The following CRYBA1 variants were observed in gnomAD, a reference collection of about 807,000 sequenced individuals.
CRYBA1 encodes beta-crystallin A3.
Under a neutral mutation model 36.2 loss-of-function variants are expected in CRYBA1, and 25 were observed. The ratio of observed to expected loss-of-function variants is 0.69; its 90% CI spans 0.50 to 0.97. CRYBA1 has a LOEUF of 0.97. Ranked by LOEUF, CRYBA1 falls within the 50% of genes least tolerant of loss-of-function variation. CRYBA1 has a pLI of 0.00. For missense variants in CRYBA1, 224 were observed against 276.3 expected (o/e 0.81, Z 1.34); for synonymous variants, 111 against 90.0 (o/e 1.23, Z -1.32).
intron 3 of CRYBA1, among the ~76,000 whole-genome samples, chr17:29,251,719 T>C (rs1477604731): frequency 6.6e-6 from 1 of 152,134 alleles, no homozygotes; most frequent in African/African-American, 2.4e-5. Flanking sequence ...GCTCAAGCGA[T>C]CTGCTTGCCT....
In CRYBA1 at chr17:29,254,311, A is replaced by C. The variant is rs1212827640; in HGVS notation, c.610A>C (p.Thr204Pro). 6.2e-7 allele frequency: 1 copy of C among 1,614,184 alleles called. No individual in the cohort carries two copies. Among genetic ancestry groups the C allele is most frequent in the East Asian group, 2.2e-5 (1 of 44,888 alleles). Residue 204 changes from threonine (T) to proline (P), a missense_variant, in exon 6 of 6, where the codon ACT (threonine) becomes CCT (proline). Physicochemically the swap from Thr to Pro is conservative, Grantham distance 38 (BLOSUM62 -1). Transcript: ENST00000225387. The stretch of plus-strand genomic sequence containing the variant: ...GAGAGAGTGGGGCTCTCATGCCCAG[A>C]CTTCGCAGATCCAATCGATTCGCCG... ...HWREWGSHAQTSQIQSIRRIQ... is the reference protein window; with the variant it reads ...HWREWGSHAQPSQIQSIRRIQ...
In CRYBA1 at chr17:29,252,083, A is replaced by G. The variant is rs778118082; in HGVS notation, c.235A>G (p.Thr79Ala). The G allele has an allele frequency of 6.2e-7, 1 of 1,614,186 alleles. No individual in the cohort carries two copies. Among genetic ancestry groups the G allele is most frequent in the Non-Finnish European group, 8.5e-7 (1 of 1,180,026 alleles). Residue 79 changes from threonine (T) to alanine (A), a missense_variant, in exon 4 of 6, where the codon ACC (threonine) becomes GCC (alanine). Coordinates refer to ENST00000225387, the MANE Select transcript of CRYBA1 (RefSeq NM_005208.5). ...TGGCAGCTGGATTGGTTATGAGCAT[A>G]CCAGCTTCTGTGGGCAACAGTTTAT... ...ESGAWIGYEH[T>A]SFCGQQFILE...
Position 29,254,311 on chromosome 17 carries a change from A to T in CRYBA1, c.610A>T (p.Thr204Ser). Residue 204 changes from threonine to serine, a missense_variant, in exon 6 of 6, where the codon ACT becomes TCT. By Grantham distance (58) the Thr-to-Ser change is moderately conservative. Coordinates refer to ENST00000225387, the MANE Select transcript of CRYBA1 (RefSeq NM_005208.5). ...HWREWGSHAQTSQIQSIRRIQ... is the reference protein window; with the variant it reads ...HWREWGSHAQSSQIQSIRRIQ... ...GAGAGAGTGGGGCTCTCATGCCCAGACTTCGCAGATCCAATCGATTCGCCG... is the reference window on the plus strand; with the variant it reads ...GAGAGAGTGGGGCTCTCATGCCCAGTCTTCGCAGATCCAATCGATTCGCCG... 5.0e-6 allele frequency: 8 copies of T among 1,614,184 alleles called. No homozygotes were observed. Among genetic ancestry groups the T allele is most frequent in the Non-Finnish European group, 6.8e-6 (8 of 1,180,016 alleles).
At chr17:29,249,610 C>T (rs2068923003) in intron 2 of CRYBA1, among the ~76,000 whole-genome samples, 1 of 152,238 alleles carries the variant, frequency 6.6e-6, no homozygotes, top group African/African-American at 2.4e-5. Flanking sequence ...GCCGAAGTGG[C>T]TGATCCTCAG....
intron 3 of CRYBA1, among the ~76,000 whole-genome samples, chr17:29,251,299 A>C (rs752103461): frequency 3.3e-5 from 5 of 152,132 alleles, no homozygotes; most frequent in African/African-American, 1.2e-4. Flanking sequence ...ATAAAATACC[A>C]TAACGATAGC....
At chr17:29,247,961 A>T (rs1337334690) in intron 1 of CRYBA1, among the ~76,000 whole-genome samples, 2 of 152,188 alleles carry the variant, frequency 1.3e-5, no homozygotes, top group African/African-American at 2.4e-5. Flanking sequence ...TACTAAAAAT[A>T]CAAAATTAGC....
intron 1 of CRYBA1, among the ~76,000 whole-genome samples, chr17:29,247,852 C>T (rs1707182969): frequency 6.6e-6 from 1 of 152,236 alleles, no homozygotes; most frequent in African/African-American, 2.4e-5. Flanking sequence ...CGCCGTGGCT[C>T]ATGCCTGTAA....
Position 29,253,687 on chromosome 17 carries a change from T to A in CRYBA1, c.405T>A (p.Ile135=). 6.2e-7 allele frequency: 1 copy of A among 1,614,074 alleles called. No individual in the cohort carries two copies. Among genetic ancestry groups the A allele is most frequent in the Non-Finnish European group, 8.5e-7 (1 of 1,179,900 alleles). ...CCATCTTTGAGAAGGAAAACTTTAT[T>A]GGACGCCAGTGGGAGATCTCTGACG... ...KMTIFEKENF[I]GRQWEISDDY... is the part of the protein sequence containing the mutation. Residue 135 remains isoleucine (I), a synonymous_variant, in exon 5 of 6, where the codon ATT becomes ATA. Transcript: ENST00000225387.
intron 1 of CRYBA1, among the ~76,000 whole-genome samples, chr17:29,248,244 TG>T (rs1441116239): frequency 6.6e-6 from 1 of 152,144 alleles, no homozygotes; most frequent in Non-Finnish European, 1.5e-5. Context: ...ATGAGGGGTC[TG>T]GCCTAGGTGG....
rs1052891795 is a variant in CRYBA1 at position 29,252,086 on chromosome 17, A to G, written c.238A>G (p.Ser80Gly). 108 of 1,614,068 alleles carry G rather than the reference A, an allele frequency of 6.7e-5. No individual in the cohort carries two copies. The highest frequency in any genetic ancestry group is 8.8e-5 in the Non-Finnish European group (104 of 1,180,042). ...CAGCTGGATTGGTTATGAGCATACC[A>G]GCTTCTGTGGGCAACAGTTTATCCT... is the stretch of plus-strand genomic sequence containing the variant. ...SGAWIGYEHT[S>G]FCGQQFILER... Residue 80 changes from serine (S) to glycine (G), a missense_variant, in exon 4 of 6, where the codon AGC becomes GGC. By Grantham distance (56) the Ser-to-Gly change is moderately conservative (BLOSUM62 0). Coordinates refer to ENST00000225387, the MANE Select transcript of CRYBA1 (RefSeq NM_005208.5).
chr17:29,253,888 T>C, intron 5 of CRYBA1, 106 bp downstream of exon 5: 1 of 1,375,154 alleles, frequency 7.3e-7, no homozygotes, highest in Non-Finnish European at 1.0e-6. Context: ...GATGTCACAT[T>C]CTAGTTCTAC....
intron 3 of CRYBA1, 87 bp from the exon 4 acceptor site, chr17:29,251,977 A>G: frequency 6.4e-7 from 1 of 1,563,670 alleles, no homozygotes; most frequent in South Asian, 1.1e-5. Context: ...TTACCCCACT[A>G]TTGACTTATC....
intron 3 of CRYBA1, among the ~76,000 whole-genome samples, chr17:29,251,599 A>G (rs1400018139): frequency 2.0e-5 from 3 of 152,024 alleles, no homozygotes; most frequent in African/African-American, 4.8e-5. Context: ...CTCAACCCTC[A>G]GCCCCCTGAA....
chr17:29,247,034 A>G lies in CRYBA1; in HGVS notation c.31+140A>G. On this transcript the variant is annotated intron_variant, in intron 1 of 5. Transcript: ENST00000225387. The stretch of plus-strand genomic sequence containing the variant: ...GAAGAGTGGGGAACTCTGGCGGAAG[A>G]CAGCCTTCTCTTGTCACCCCAAGAG... The G allele has an allele frequency of 3.2e-6, 3 of 927,432 alleles. No homozygotes were observed. In the South Asian group the frequency reaches 4.2e-5, roughly 13 times the overall value. 57.5% of individuals were successfully genotyped at this position (927,432 alleles called of 1,614,324 possible). A position where few individuals can be genotyped will look rare whatever the true frequency, so the allele number is the denominator to read the frequency against.
intron 4 of CRYBA1, among the ~76,000 whole-genome samples, chr17:29,253,115 T>C (rs2068946096): frequency 6.6e-6 from 1 of 152,218 alleles, no homozygotes; most frequent in Non-Finnish European, 1.5e-5. Context: ...CATAGTTCCC[T>C]GGTGTCCCTT....
intron 4 of CRYBA1, among the ~76,000 whole-genome samples, chr17:29,252,605 C>A (rs8080081): frequency 0.27 from 33,227 of 120,848 alleles, 3,617 homozygotes; most frequent in South Asian, 0.39. Context: ...GAATGACTGA[C>A]GAAATAGGCA....
chr17:29,250,360 C>A, intron 3 of CRYBA1, 60 bp downstream of exon 3: 1 of 947,918 alleles, frequency 1.1e-6, no homozygotes, highest in Non-Finnish European at 1.7e-6. Flanking sequence ...AGACAGGGGA[C>A]CATAGAGTGG....
chr17:29,249,011 T>A, intron 1 of CRYBA1, 131 bp from the exon 2 acceptor site: 1 of 722,570 alleles, frequency 1.4e-6, no homozygotes, highest in Non-Finnish European at 2.6e-6. Flanking sequence ...GCACAGCTAG[T>A]GAGCAGCAGA....
At chr17:29,248,339 C>T (rs1394120050) in intron 1 of CRYBA1, among the ~76,000 whole-genome samples, 1 of 150,954 alleles carries the variant, frequency 6.6e-6, no homozygotes, top group African/African-American at 2.4e-5. Context: ...GCTTTACCTG[C>T]ATTATTGTTT....
Sources: allele counts gnomAD v4.1 joint callset (sites outside exome capture counted in the v4.1 genomes callset), GRCh38; gene constraint gnomAD v4.1.1; transcripts MANE v1.5; gene names NCBI Gene and HGNC (gene_info 2026-07-23, HGNC 2026-07-21).